The following FGF13 variants were observed in gnomAD, a reference collection of about 807,000 sequenced individuals.
FGF13 encodes fibroblast growth factor homologous factor 2.
FGF13 carries 2 observed loss-of-function variants against 19.5 expected under a neutral mutation model. The ratio of observed to expected loss-of-function variants is 0.10; its 90% confidence interval spans 0.04 to 0.32. The LOEUF (loss-of-function observed/expected upper bound fraction) is 0.32, where lower values mean the gene tolerates loss of function less well. FGF13 is among the 10% of genes least tolerant of loss of function. The probability of loss-of-function intolerance (pLI) is 1.00; values close to 1 mark genes in which losing one functional copy is unlikely to be tolerated. For missense variants in FGF13, 113 were observed against 192.7 expected (o/e 0.59, Z 2.45); for synonymous variants, 72 against 76.9 (o/e 0.94, Z 0.33).
At chrX:138,952,491 C>T (rs2091818654) in intron 1 of FGF13, among the ~76,000 whole-genome samples, 1 of 111,771 alleles carries the variant, frequency 8.9e-6, no homozygotes, top group African/African-American at 3.3e-5. Flanking sequence ...AAAACCTAGG[C>T]AATACCATTC....
chrX:139,203,979 C>T (rs1603238827), upstream of FGF13: 8 of 1,072,236 alleles, frequency 7.5e-6, no homozygotes, highest in East Asian at 2.4e-4. Flanking sequence ...AGGCAAGGAG[C>T]CGCCGGAGGG....
intron 1 of FGF13, among the ~76,000 whole-genome samples, chrX:139,128,513 G>T (rs1287595734): frequency 8.9e-6 from 1 of 111,887 alleles, no homozygotes; most frequent in Non-Finnish European, 1.9e-5. Flanking sequence ...GCCCTTCCTG[G>T]TCTGGCCTCT....
chrX:138,878,582 T>C (rs1303940283), intron 1 of FGF13, among the ~76,000 whole-genome samples: 2 of 107,834 alleles, frequency 1.9e-5, no homozygotes, highest in African/African-American at 3.4e-5. Context: ...TCCAAGTCTT[T>C]GCTATTGTGA....
At chrX:139,187,982 CTT>C (rs1205754205) in intron 1 of FGF13, among the ~76,000 whole-genome samples, 1 of 112,121 alleles carries the variant, frequency 8.9e-6, no homozygotes, top group Non-Finnish European at 1.9e-5. Context: ...CCAGGACACT[CTT>C]ATTCCTCTTC....
At chrX:138,979,690 G>T (rs1179067723) in intron 1 of FGF13, among the ~76,000 whole-genome samples, 1 of 111,153 alleles carries the variant, frequency 9.0e-6, no homozygotes, top group Non-Finnish European at 1.9e-5. Context: ...AGGACACAGA[G>T]ACTCCTGAAA....
intron 3 of FGF13, among the ~76,000 whole-genome samples, chrX:138,659,099 A>T (rs2089464521): frequency 8.9e-6 from 1 of 111,926 alleles, no homozygotes; most frequent in African/African-American, 3.2e-5. Flanking sequence ...TGACTTGAAA[A>T]AATGAATGAC....
upstream of FGF13, chrX:138,739,420 G>A (rs909397368): frequency 2.0e-5 from 9 of 459,906 alleles, no homozygotes; most frequent in African/African-American, 2.3e-4. Flanking sequence ...TCAGTATAGA[G>A]AGATCATTAA....
intron 1 of FGF13, among the ~76,000 whole-genome samples, chrX:138,890,381 G>T (rs1490019308): frequency 9.0e-6 from 1 of 111,538 alleles, no homozygotes; most frequent in East Asian, 2.8e-4. Context: ...CTTTCCTTGA[G>T]ATATATGAAT....
chrX:139,040,843 G>A lies in FGF13; in HGVS notation c.-113+162573C>T, dbSNP rs146064616. On this transcript the variant is annotated intron_variant, in intron 1 of 2. Coordinates refer to the FGF13 transcript ENST00000421460. ...ATGATAGACTGGATAAAGAAAATGT[G>A]GTACATATACACCATGGAATACTAT... is the stretch of plus-strand genomic sequence containing the variant. Among the ~76,000 whole-genome samples, 1,045 of 110,676 alleles carry A rather than the reference G, an allele frequency of 9.4e-3. 21 individuals are homozygous for A. The highest frequency in any genetic ancestry group is 0.032 in the African/African-American group (971 of 30,230).
chrX:138,889,315 G>A (rs1247526374), intron 1 of FGF13, among the ~76,000 whole-genome samples: 3 of 112,207 alleles, frequency 2.7e-5, no homozygotes, highest in Non-Finnish European at 3.8e-5. Context: ...TCTATGCCAA[G>A]CACAGTGATG....
At chrX:138,743,723 C>G (rs1364116371), upstream of FGF13, among the ~76,000 whole-genome samples, 1 of 111,338 alleles carries the variant, frequency 9.0e-6, no homozygotes, top group African/African-American at 3.3e-5. Context: ...GTACTGGGTA[C>G]CTAATATATT....
chrX:139,133,868 C>A lies in FGF13; in HGVS notation c.-113+69548G>T, dbSNP rs778461760. 8.9e-5 allele frequency among the ~76,000 whole-genome samples: 10 copies of A among 111,930 alleles called. No homozygotes were observed. In the South Asian group the frequency reaches 3.8e-3, roughly 42 times the overall value. On this transcript the variant is annotated intron_variant, in intron 1 of 2. Coordinates refer to the FGF13 transcript ENST00000421460. ...ACTCTGAAATCTTAAATTGAAGCAG[C>A]CTACTTTCTGAGCACTAGTTTCCTC...
intron 3 of FGF13, among the ~76,000 whole-genome samples, chrX:138,789,229 C>T (rs775810503): frequency 8.1e-5 from 9 of 110,572 alleles, no homozygotes; most frequent in South Asian, 7.8e-4. Context: ...AGTGCAATGG[C>T]GTGATCTCAG....
At chrX:138,879,071 C>T (rs1003840808) in intron 1 of FGF13, among the ~76,000 whole-genome samples, 16 of 110,992 alleles carry the variant, frequency 1.4e-4, no homozygotes, top group Admixed American at 5.7e-4. Flanking sequence ...GAGTAGGTTG[C>T]GAAAATTTTC....
chrX:139,054,894 GTTGTGTTGTATTGTA>G (rs1490896513), intron 1 of FGF13, among the ~76,000 whole-genome samples: 4 of 85,990 alleles, frequency 4.7e-5, no homozygotes, highest in Non-Finnish European at 6.8e-5. Context: ...GTTGTGTTGT[GTTGTGTTGTATTGTA>G]TTGTATTGTA....
intron 1 of FGF13, among the ~76,000 whole-genome samples, chrX:138,908,784 T>A (rs1313060469): frequency 1.8e-5 from 2 of 111,624 alleles, no homozygotes; most frequent in Non-Finnish European, 3.8e-5. Context: ...CATTTGTGAG[T>A]CACAGTCAGC....
intron 1 of FGF13, among the ~76,000 whole-genome samples, chrX:138,918,168 A>AAAAG (rs2091627816): frequency 9.0e-6 from 1 of 110,736 alleles, no homozygotes; most frequent in Non-Finnish European, 1.9e-5. Context: ...AGAAGACAAA[A>AAAAG]AAAAAAATAG....
chrX:138,793,488 T>C (rs185593450), intron 3 of FGF13, among the ~76,000 whole-genome samples: 64 of 111,695 alleles, frequency 5.7e-4, no homozygotes, highest in Non-Finnish European at 8.3e-4. Context: ...AATCAATGGG[T>C]GGCAGTCAGG....
intron 1 of FGF13, among the ~76,000 whole-genome samples, chrX:138,921,345 C>G (rs771246445): frequency 8.9e-6 from 1 of 112,054 alleles, no homozygotes; most frequent in African/African-American, 3.2e-5. Flanking sequence ...GTAAAGGCTT[C>G]ATTTCACTGT....
Sources: gnomAD v4.1 joint callset for allele counts (sites outside exome capture counted in the v4.1 genomes callset) on GRCh38, gnomAD v4.1.1 for gene constraint, MANE v1.5 for transcripts, NCBI Gene and HGNC (gene_info 2026-07-23, HGNC 2026-07-21) for gene names.